Variants in TAB1 observed in about 807,000 individuals in gnomAD.
The protein encoded by TAB1 is TGF-beta activated kinase 1 (MAP3K7) binding protein 1, also known as TGF-beta-activated kinase 1 and MAP3K7-binding protein 1.
In TAB1, 30 loss-of-function variants were observed where a neutral mutation model predicts 54.5. That is an observed-to-expected ratio of 0.55 (90% CI 0.41 to 0.75). The LOEUF (loss-of-function observed/expected upper bound fraction) is 0.75, where lower values mean the gene tolerates loss of function less well. TAB1 is among the 30% of genes least tolerant of loss of function. The probability of loss-of-function intolerance (pLI) is 0.00; values close to 1 mark genes in which losing one functional copy is unlikely to be tolerated. For missense variants in TAB1, 609 were observed against 683.2 expected (o/e 0.89, Z 1.21); for synonymous variants, 289 against 286.9 (o/e 1.01, Z -0.07).
chr22:39,436,830 G>A, downstream of TAB1: 1 of 497,574 alleles, frequency 2.0e-6, no homozygotes, highest in Non-Finnish European at 3.6e-6. Flanking sequence ...CTGTTCTGGT[G>A]AGCTCAGGGC....
At position 39,430,203 on chromosome 22, in the gene TAB1, G is replaced by A; in HGVS notation, c.1496G>A (p.Ser499Asn). Residue 499 changes from serine to asparagine, a missense_variant, in exon 11 of 11, where the codon AGC becomes AAC. Coordinates refer to ENST00000216160, the MANE Select transcript of TAB1 (RefSeq NM_006116.3). Reference sequence around the variant, plus strand: ...TGGAGCGTGGACCATGGCGAGCAGAGCGTGGTGACAGCACCGTAGGGCAGC... The same window carrying A: ...TGGAGCGTGGACCATGGCGAGCAGAACGTGGTGACAGCACCGTAGGGCAGC... The part of the protein sequence containing the change: ...RLWSVDHGEQ[S>N]VVTAP 1 of 1,613,112 alleles carries A rather than the reference G, an allele frequency of 6.2e-7. No homozygotes were observed. The highest frequency in any genetic ancestry group is 8.5e-7 in the Non-Finnish European group (1 of 1,180,040).
In TAB1 at chr22:39,430,113, C is replaced by T. The variant is rs776068209; in HGVS notation, c.1406C>T (p.Ser469Leu). ...GGLFRSRPAH[S>L]LPPGEDGRVE... ...CTCTTCCGCTCCCGGCCCGCCCACT[C>T]GCTCCCGCCTGGCGAGGACGGTCGT... The change falls in exon 11 of 11, where the codon TCG (serine) becomes TTG (leucine). Residue 469 changes from serine (S) to leucine (L), a missense_variant. Ser to Leu is a moderately radical substitution (Grantham distance 145). Transcript: ENST00000216160. The T allele has an allele frequency of 6.0e-5, 97 of 1,613,962 alleles. No individual in the cohort carries two copies. Among genetic ancestry groups the T allele is most frequent in the East Asian group, 3.1e-4 (14 of 44,902 alleles).
intron 10 of TAB1, 166 bp from the exon 11 acceptor site, chr22:39,429,849 A>G (rs1008036041): frequency 1.0e-6 from 1 of 985,226 alleles, no homozygotes; most frequent in African/African-American, 1.7e-5. Flanking sequence ...TTGACTTTTT[A>G]TCTGTTCCTA....
At chr22:39,433,851 C>G (rs1927680359), downstream of TAB1, 1 of 983,106 alleles carries the variant, frequency 1.0e-6, no homozygotes, top group African/African-American at 1.7e-5. Context: ...CAGATGCCCC[C>G]TCTGGAAAGA....
At position 39,425,797 on chromosome 22, in the gene TAB1, C is replaced by G. The variant is rs569758099; in HGVS notation, c.922-906C>G. Among the ~76,000 whole-genome samples, 23 of 152,034 alleles carry G rather than the reference C, an allele frequency of 1.5e-4. No homozygotes were observed. In the South Asian group the frequency reaches 4.4e-3, roughly 29 times the overall value. On this transcript the variant is annotated intron_variant, in intron 8 of 10. Coordinates refer to ENST00000216160, the MANE Select transcript of TAB1 (RefSeq NM_006116.3). ...TCCTGACCTCATGATCGGCCTGCCT[C>G]AGAATCCCAAAGTGCTGAGATTACA...
chr22:39,421,281 C>T (rs577850734), intron 7 of TAB1, among the ~76,000 whole-genome samples: 18 of 152,216 alleles, frequency 1.2e-4, no homozygotes, highest in African/African-American at 4.1e-4. Context: ...CCCTGGCTGA[C>T]GGACCCTCAG....
chr22:39,399,965 C>T (rs1450304957), intron 1 of TAB1, 130 bp downstream of exon 1: 1 of 1,025,714 alleles, frequency 9.7e-7, no homozygotes, highest in African/African-American at 1.6e-5. Context: ...CAGCCACCTT[C>T]TCCTCTCCTC....
At chr22:39,410,841 T>G (rs1440987510) in intron 1 of TAB1, among the ~76,000 whole-genome samples, 1 of 152,176 alleles carries the variant, frequency 6.6e-6, no homozygotes, top group African/African-American at 2.4e-5. Flanking sequence ...TGGATATAAG[T>G]AAGCTGATTC....
Position 39,430,318 on chromosome 22 carries a change from G to T in TAB1, c.*96G>T. 3 of 1,564,158 alleles carry T rather than the reference G, an allele frequency of 1.9e-6. No homozygotes were observed. The highest frequency in any genetic ancestry group is 2.6e-6 in the Non-Finnish European group (3 of 1,160,158). Reference sequence around the variant, plus strand: ...CTGCCTGTGCCACAACGGCCAGCAGGTGCCCCATCCTCTGCCCACAGCAGA... The same window carrying T: ...CTGCCTGTGCCACAACGGCCAGCAGTTGCCCCATCCTCTGCCCACAGCAGA... On this transcript the variant is annotated 3_prime_UTR_variant, in exon 11 of 11. Coordinates refer to ENST00000216160, the MANE Select transcript of TAB1 (RefSeq NM_006116.3).
At position 39,430,975 on chromosome 22, in the gene TAB1, G is replaced by A. The variant is rs1016460283; in HGVS notation, c.*753G>A. 2.2e-5 allele frequency: 22 copies of A among 986,844 alleles called. No individual in the cohort carries two copies. The highest frequency in any genetic ancestry group is 3.5e-5 in the African/African-American group (2 of 57,264). The allele number at this position is 986,844 out of a possible 1,614,324, so 61.1% of individuals were successfully genotyped here. A position where few individuals can be genotyped will look rare whatever the true frequency, so the allele number is the denominator to read the frequency against. ...GTGGGCTGAGGCAGGGGCCGCTGTC[G>A]TCAGGCCTGAGCCAGGGTGAGCTGG... On this transcript the variant is annotated 3_prime_UTR_variant, in exon 11 of 11. Coordinates refer to ENST00000216160, the MANE Select transcript of TAB1 (RefSeq NM_006116.3).
At chr22:39,411,548 C>T (rs1926606107) in intron 1 of TAB1, among the ~76,000 whole-genome samples, 1 of 152,200 alleles carries the variant, frequency 6.6e-6, no homozygotes, top group African/African-American at 2.4e-5. Flanking sequence ...TACCACTACC[C>T]ACCTCTTAGA....
intron 8 of TAB1, among the ~76,000 whole-genome samples, chr22:39,424,886 G>A (rs576159317): frequency 1.3e-5 from 2 of 152,084 alleles, no homozygotes; most frequent in Non-Finnish European, 2.9e-5. Flanking sequence ...CAGAAGTGAC[G>A]TTGCTGCTTA....
Position 39,419,620 on chromosome 22 carries a change from G to T in TAB1, c.766G>T (p.Asp256Tyr). 2 of 1,609,010 alleles carry T rather than the reference G, an allele frequency of 1.2e-6. No individual in the cohort carries two copies. The highest frequency in any genetic ancestry group is 2.2e-5 in the South Asian group (2 of 90,698). ...YKVKYGYTDI[D>Y]LLSAAKSKPI... ...GGTTAAATATGGCTACACGGACATT[G>T]ACCTTCTCAGGTAGGTGCCAGCCCA... The change falls in exon 7 of 11, where the codon GAC becomes TAC. Residue 256 changes from aspartate (D) to tyrosine (Y), a missense_variant. By Grantham distance (160) the Asp-to-Tyr change is radical (BLOSUM62 -3). Transcript: ENST00000216160.
downstream of TAB1, among the ~76,000 whole-genome samples, chr22:39,434,754 C>T (rs1440819349): frequency 6.6e-6 from 1 of 152,246 alleles, no homozygotes; most frequent in Admixed American, 6.5e-5. Flanking sequence ...TGATCCAGCC[C>T]CTTCTTGTCC....
intron 1 of TAB1, among the ~76,000 whole-genome samples, chr22:39,412,329 T>G (rs538489053): frequency 1.3e-5 from 2 of 152,132 alleles, no homozygotes; most frequent in African/African-American, 4.8e-5. Context: ...CGTGAGCCAC[T>G]GCACCTGGCG....
chr22:39,431,535 G>T lies in TAB1; in HGVS notation c.*1313G>T. 1.0e-6 allele frequency: 1 copy of T among 985,568 alleles called. No homozygotes were observed. Among genetic ancestry groups the T allele is most frequent in the Non-Finnish European group, 1.2e-6 (1 of 830,008 alleles). 61.1% of individuals were successfully genotyped at this position (985,568 alleles called of 1,614,324 possible). The stretch of plus-strand genomic sequence containing the variant: ...GCCGCTGTCGCACAGCCTCTGGGGT[G>T]CTTGGTCTCTGCGAAGTCAAAGGCC... On this transcript the variant is annotated 3_prime_UTR_variant, in exon 11 of 11. Transcript: ENST00000216160.
At chr22:39,419,401 T>C (rs1569198584) in intron 6 of TAB1, 118 bp from the exon 7 acceptor site, 2 of 815,316 alleles carry the variant, frequency 2.5e-6, no homozygotes, top group South Asian at 3.6e-5. Context: ...TGGTGTTGTC[T>C]TCATTTCCTA....
intron 5 of TAB1, among the ~76,000 whole-genome samples, 179 bp downstream of exon 5, chr22:39,418,028 A>G (rs979237847): frequency 3.3e-5 from 5 of 152,228 alleles, no homozygotes; most frequent in African/African-American, 1.2e-4. Context: ...GAAGGGAGAA[A>G]GGACGGGATG....
chr22:39,412,117 G>A (rs756025155), intron 1 of TAB1, among the ~76,000 whole-genome samples: 3 of 152,144 alleles, frequency 2.0e-5, no homozygotes, highest in Non-Finnish European at 4.4e-5. Flanking sequence ...TCGGCTCATG[G>A]CAACCTCTGC....
Sources: allele counts gnomAD v4.1 joint callset (sites outside exome capture counted in the v4.1 genomes callset), GRCh38; gene constraint gnomAD v4.1.1; transcripts MANE v1.5; gene names NCBI Gene and HGNC (gene_info 2026-07-23, HGNC 2026-07-21).